IYD: variants seen among roughly 807,000 people sequenced by gnomAD.
The protein encoded by IYD is iodotyrosine deiodinase, also known as iodotyrosine deiodinase 1.
In IYD, 25 loss-of-function variants were observed where a neutral mutation model predicts 28.4. The observed-to-expected ratio is 0.88, with a 90% CI of 0.64 to 1.23. The LOEUF (loss-of-function observed/expected upper bound fraction) is 1.23, where lower values mean the gene tolerates loss of function less well. Ranked by LOEUF, IYD falls within the 50% of genes most tolerant of loss-of-function variation. The probability of loss-of-function intolerance (pLI) is 0.00; values close to 1 mark genes in which losing one functional copy is unlikely to be tolerated. For missense variants in IYD, 352 were observed against 357.9 expected (o/e 0.98, Z 0.13); for synonymous variants, 140 against 130.8 (o/e 1.07, Z -0.48).
rs984793398 is a variant in IYD, at chr6:150,401,891, C to G, written c.*3654C>G. The G allele has an allele frequency of 2.0e-5, 3 of 152,196 alleles. No individual in the cohort carries two copies. The highest frequency in any genetic ancestry group is 4.4e-5 in the Non-Finnish European group (3 of 68,046). 9.4% of individuals were successfully genotyped at this position (152,196 alleles called of 1,614,324 possible). Reference sequence around the variant, plus strand: ...TAACTCAAAGTTGTGTCAGCCAGCACGGGGTAGAGCCATGGTCCTCATACT... The same window carrying G: ...TAACTCAAAGTTGTGTCAGCCAGCAGGGGGTAGAGCCATGGTCCTCATACT... On this transcript the variant is annotated 3_prime_UTR_variant, in exon 5 of 5. Coordinates refer to ENST00000344419, the MANE Select transcript of IYD (RefSeq NM_203395.3).
intron 1 of IYD, among the ~76,000 whole-genome samples, chr6:150,386,091 T>G (rs1777852946): frequency 6.6e-6 from 1 of 152,010 alleles, no homozygotes; most frequent in Non-Finnish European, 1.5e-5. Flanking sequence ...TTCTCCCTAT[T>G]GCATGTTTGT....
In IYD at chr6:150,401,041, G is replaced by T. The variant is rs1470801279; in HGVS notation, c.*2804G>T. On this transcript the variant is annotated 3_prime_UTR_variant, in exon 5 of 5. Transcript: ENST00000344419. ...CTCCAGGAAAAAAGGTGTGTGTATA[G>T]GTGTGTGTTTGGAGAGTGTGAGCGA... is the stretch of plus-strand genomic sequence containing the variant. The T allele has an allele frequency of 6.6e-6, 1 of 152,172 alleles. No individual in the cohort carries two copies. The highest frequency in any genetic ancestry group is 1.5e-5 in the Non-Finnish European group (1 of 68,044). 9.4% of individuals were successfully genotyped at this position (152,172 alleles called of 1,614,324 possible).
intron 1 of IYD, among the ~76,000 whole-genome samples, chr6:150,386,860 G>A (rs1057473739): frequency 2.6e-5 from 4 of 151,630 alleles, no homozygotes; most frequent in African/African-American, 9.7e-5. Context: ...TTATGTTTTA[G>A]GTGTATCCCT....
chr6:150,378,337 AC>A (rs1777525479), intron 1 of IYD, among the ~76,000 whole-genome samples: 1 of 141,998 alleles, frequency 7.0e-6, no homozygotes, highest in Non-Finnish European at 1.5e-5. Context: ...CGCTCCCCCC[AC>A]CCCACAACAG....
At chr6:150,370,221 G>A (rs612200) in intron 1 of IYD, among the ~76,000 whole-genome samples, 1 of 146,264 alleles carries the variant, frequency 6.8e-6, no homozygotes, top group Non-Finnish European at 1.5e-5. Context: ...GTGTGTGCGC[G>A]TGCGTGTGTG....
chr6:150,386,672 C>T (rs1777876052), intron 1 of IYD, among the ~76,000 whole-genome samples: 1 of 151,946 alleles, frequency 6.6e-6, no homozygotes, highest in East Asian at 1.9e-4. Context: ...TCTTAAAAGT[C>T]TGTCTTGAGG....
At chr6:150,383,813 AAC>A (rs1491498559) in intron 1 of IYD, among the ~76,000 whole-genome samples, 572 of 40,440 alleles carry the variant, frequency 0.014, 13 homozygotes, top group African/African-American at 0.021. Context: ...AAAAAACAAA[AAC>A]AAAAACAAAA....
chr6:150,389,256 C>T lies in IYD; in HGVS notation c.179-96C>T, dbSNP rs962463037. 4 of 853,292 alleles carry T rather than the reference C, an allele frequency of 4.7e-6. No individual in the cohort carries two copies. The African/African-American group carries it at 6.7e-5, about 14-fold the overall frequency. 52.9% of individuals were successfully genotyped at this position (853,292 alleles called of 1,614,324 possible). ...TTATAGTATTTTTTTGAGTTCATAA[C>T]CTTACACATTTAAGCACTTTATCTT... On this transcript the variant is annotated intron_variant, in intron 1 of 4. Coordinates refer to ENST00000344419, the MANE Select transcript of IYD (RefSeq NM_203395.3).
chr6:150,392,021 CT>C (rs1164924464), intron 2 of IYD, among the ~76,000 whole-genome samples: 1 of 151,640 alleles, frequency 6.6e-6, no homozygotes, highest in Non-Finnish European at 1.5e-5. Flanking sequence ...GTATGAATTA[CT>C]ACGTTTATCC....
At chr6:150,394,477 G>T (rs1778238345) in intron 4 of IYD, among the ~76,000 whole-genome samples, 1 of 152,190 alleles carries the variant, frequency 6.6e-6, no homozygotes, top group South Asian at 2.1e-4. Context: ...AAAAATTGGT[G>T]TTGTGTTTGC....
chr6:150,374,431 A>G (rs1777372944), intron 1 of IYD, among the ~76,000 whole-genome samples: 2 of 152,166 alleles, frequency 1.3e-5, no homozygotes, highest in Admixed American at 1.3e-4. Flanking sequence ...CATACCTGAG[A>G]CTCAGTAATT....
In IYD at chr6:150,400,651, T is replaced by C. The variant is rs368074627; in HGVS notation, c.*2414T>C. On this transcript the variant is annotated 3_prime_UTR_variant, in exon 5 of 5. Transcript: ENST00000344419. ...ACTGTGGGAAGAATAAGAGGGGGAC[T>C]GTCTTGTCCTTGCTACTCAAAGAGT... is the stretch of plus-strand genomic sequence containing the variant. 6.6e-6 allele frequency: 1 copy of C among 152,242 alleles called. No individual in the cohort carries two copies. The highest frequency in any genetic ancestry group is 2.4e-5 in the African/African-American group (1 of 41,468). The allele number at this position is 152,242 out of a possible 1,614,324, so 9.4% of individuals were successfully genotyped here.
chr6:150,383,554 G>A (rs114997715), intron 1 of IYD, among the ~76,000 whole-genome samples: 2,907 of 152,040 alleles, frequency 0.019, 94 homozygotes, highest in African/African-American at 0.066. Flanking sequence ...AGCTTGCGGC[G>A]TTCATAAAAA....
intron 1 of IYD, among the ~76,000 whole-genome samples, chr6:150,381,392 T>C (rs550127768): frequency 6.6e-6 from 1 of 152,234 alleles, no homozygotes; most frequent in Non-Finnish European, 1.5e-5. Flanking sequence ...TTAAAAGTTC[T>C]GAACAGTTGA....
chr6:150,395,311 A>G lies in IYD; in HGVS notation c.687+1056A>G, dbSNP rs184692324. 1.0e-3 allele frequency: 961 copies of G among 932,022 alleles called. 3 individuals are homozygous for G. In the African/African-American group the frequency reaches 0.011, roughly 10 times the overall value. The allele number at this position is 932,022 out of a possible 1,614,324, so 57.7% of individuals were successfully genotyped here. A position where few individuals can be genotyped will look rare whatever the true frequency, so the allele number is the denominator to read the frequency against. ...TTGAGAGACAATGGATTAAAAAAAA[A>G]AGAGAGCTTCTTCACTATCTCAAAG... is the stretch of plus-strand genomic sequence containing the variant. On this transcript the variant is annotated intron_variant, in intron 4 of 4. Transcript: ENST00000344419.
intron 4 of IYD, chr6:150,395,784 G>C: frequency 1.6e-6 from 1 of 640,616 alleles, no homozygotes; most frequent in Non-Finnish European, 2.8e-6. Context: ...GTTTAGAGGT[G>C]GTGATCTGAT....
In IYD at chr6:150,394,481, T is replaced by C. The variant is rs2076290; in HGVS notation, c.687+226T>C. On this transcript the variant is annotated intron_variant, in intron 4 of 4. Transcript: ENST00000344419. ...TTTCAAGTTAGAAAAATTGGTGTTG[T>C]GTTTGCAGTCATCTGTAACAACATG... is the stretch of plus-strand genomic sequence containing the variant. Among the ~76,000 whole-genome samples, 25,536 of 152,198 alleles carry C rather than the reference T, an allele frequency of 0.17. 4,439 individuals carry two copies. Among genetic ancestry groups the C allele is most frequent in the African/African-American group, 0.43 (17,757 of 41,470 alleles).
chr6:150,370,350 C>T (rs9371991), intron 1 of IYD: 14,193 of 263,482 alleles, frequency 0.054, 777 homozygotes, highest in East Asian at 0.31. Context: ...TGAGTGTGCA[C>T]GTGTGTGCAT....
chr6:150,402,648 T>C lies in IYD; in HGVS notation c.*4411T>C, dbSNP rs756668054. On this transcript the variant is annotated 3_prime_UTR_variant, in exon 5 of 5. Coordinates refer to ENST00000344419, the MANE Select transcript of IYD (RefSeq NM_203395.3). ...TTGTCTAATACAGCTTTAAATAGAG[T>C]ATCACTTTGGGCCAAAGAAAATTGA... 8 of 152,146 alleles carry C rather than the reference T, an allele frequency of 5.3e-5. No homozygotes were observed. In the East Asian group the frequency reaches 1.5e-3, roughly 29 times the overall value. 9.4% of individuals were successfully genotyped at this position (152,146 alleles called of 1,614,324 possible).
Sources: allele counts gnomAD v4.1 joint callset (sites outside exome capture counted in the v4.1 genomes callset), GRCh38; gene constraint gnomAD v4.1.1; transcripts MANE v1.5; gene names NCBI Gene and HGNC (gene_info 2026-07-23, HGNC 2026-07-21).